The following IFT140 variants were observed in gnomAD, a reference collection of about 807,000 sequenced individuals.
The protein encoded by IFT140 is intraflagellar transport protein 140 homolog.
A neutral mutation model predicts 164.6 loss-of-function variants in IFT140; 133 were observed. That is an observed-to-expected ratio of 0.81 (90% confidence interval 0.70 to 0.93). The LOEUF (loss-of-function observed/expected upper bound fraction) is 0.93. Among genes scored for constraint, IFT140 ranks in the 40% least tolerant of loss-of-function variants. The probability of loss-of-function intolerance (pLI) is 0.00; values close to 1 mark genes in which losing one functional copy is unlikely to be tolerated. For missense variants in IFT140, 2,045 were observed against 1,972.3 expected (o/e 1.04, Z -0.70); for synonymous variants, 860 against 817.3 (o/e 1.05, Z -0.89).
chr16:1,580,445 A>G, intron 13 of IFT140: 1 of 241,710 alleles, frequency 4.1e-6, no homozygotes, highest in Non-Finnish European at 8.1e-6. Context: ...CTGGCTGTTT[A>G]GAGTGTGGCC....
rs374245889 is a variant in IFT140 at position 1,554,804 on chromosome 16, C to T, written c.2399+3131G>A. 21 of 1,614,158 alleles carry T rather than the reference C, an allele frequency of 1.3e-5. No individual in the cohort carries two copies. The Admixed American group carries it at 1.3e-4, about 10-fold the overall frequency. On this transcript the variant is annotated intron_variant, in intron 19 of 30. Transcript: ENST00000426508. ...CAGGTTTTGTCCTGGTCATCGGGCT[C>T]GTGACTTTCTACAGAATTGGCCCAT...
At chr16:1,540,063 C>CG (rs1024133056) in intron 19 of IFT140, among the ~76,000 whole-genome samples, 2 of 152,154 alleles carry the variant, frequency 1.3e-5, no homozygotes, top group African/African-American at 4.8e-5. Flanking sequence ...GTGGGTAGGA[C>CG]GGCGGGGGGA....
rs146104568 is a variant in IFT140, at chr16:1,558,845, G to C, written c.2200-711C>G. On this transcript the variant is annotated intron_variant, in intron 18 of 30. Coordinates refer to ENST00000426508, the MANE Select transcript of IFT140 (RefSeq NM_014714.4). ...TCTGGGGTCAGGCTTCCCTGGTCTT[G>C]TATCTGCTATTCTGTGACTTCCTGA... Among the ~76,000 whole-genome samples the C allele has an allele frequency of 2.7e-3, 417 of 152,346 alleles. 1 individual carries two copies. The highest frequency in any genetic ancestry group is 9.3e-3 in the African/African-American group (388 of 41,580).
At chr16:1,568,379 T>A (rs755163762) in intron 14 of IFT140, 45 bp from the exon 15 acceptor site, 27 of 1,451,724 alleles carry the variant, frequency 1.9e-5, no homozygotes, top group Non-Finnish European at 2.5e-5. Context: ...GAGGCCCAGT[T>A]CCCAATTCTC....
rs1010034618 is a variant in IFT140 at position 1,519,502 on chromosome 16, C to T, written c.4040+379G>A. On this transcript the variant is annotated intron_variant, in intron 29 of 30. Coordinates refer to ENST00000426508, the MANE Select transcript of IFT140 (RefSeq NM_014714.4). The stretch of plus-strand genomic sequence containing the variant: ...GTTGACCTGTGGAGAGGCATGAGCC[C>T]TCTGGTCACCATGGTCCCCCAACCC... Among the ~76,000 whole-genome samples, 6 of 152,118 alleles carry T rather than the reference C, an allele frequency of 3.9e-5. No homozygotes were observed. In the East Asian group the frequency reaches 1.2e-3, roughly 29 times the overall value.
chr16:1,524,733 C>T (rs2040625337), intron 23 of IFT140, 38 bp from the exon 24 acceptor site: 1 of 1,583,380 alleles, frequency 6.3e-7, no homozygotes, highest in Non-Finnish European at 8.6e-7. Flanking sequence ...GACACGGTGG[C>T]CTTGTGTCTG....
At chr16:1,604,916 G>A (rs1304844649) in intron 3 of IFT140, among the ~76,000 whole-genome samples, 3 of 152,108 alleles carry the variant, frequency 2.0e-5, no homozygotes, top group African/African-American at 7.2e-5. Context: ...CCATCTCAGT[G>A]AGCAGGAGAT....
intron 3 of IFT140, among the ~76,000 whole-genome samples, chr16:1,605,723 T>C (rs553408948): frequency 1.3e-5 from 2 of 152,184 alleles, no homozygotes; most frequent in East Asian, 3.9e-4. Flanking sequence ...CTTTATGGAA[T>C]ATGAGGTGCA....
chr16:1,520,625 T>C lies in IFT140; in HGVS notation c.3637A>G (p.Thr1213Ala). ...ACCTTCAGCTTGTTGCCGGCCTGCG[T>C]GTACTTCTTGGTGGCCAGGTGGTAG... is the stretch of plus-strand genomic sequence containing the variant. ...GSYHLATKKY[T>A]QAGNKLKAMR... Residue 1213 changes from threonine (T) to alanine (A), a missense_variant, in exon 27 of 31, where the codon ACG becomes GCG. Coordinates refer to ENST00000426508, the MANE Select transcript of IFT140 (RefSeq NM_014714.4). 1.3e-6 allele frequency: 2 copies of C among 1,595,310 alleles called. No homozygotes were observed. Among genetic ancestry groups the C allele is most frequent in the Non-Finnish European group, 1.7e-6 (2 of 1,169,590 alleles).
At chr16:1,587,091 T>C (rs2034924684) in intron 9 of IFT140, 107 bp downstream of exon 9, 1 of 754,048 alleles carries the variant, frequency 1.3e-6, no homozygotes, top group East Asian at 2.5e-5. Flanking sequence ...AGTTACCAAG[T>C]TACCATTGTG....
chr16:1,567,489 G>A (rs1018675845), intron 15 of IFT140, among the ~76,000 whole-genome samples: 4 of 152,132 alleles, frequency 2.6e-5, no homozygotes, highest in African/African-American at 7.2e-5. Context: ...AGGCCTGGCC[G>A]GAGCTCCACA....
At chr16:1,585,906 G>C (rs139191143) in intron 10 of IFT140, among the ~76,000 whole-genome samples, 2 of 151,830 alleles carry the variant, frequency 1.3e-5, no homozygotes, top group East Asian at 3.9e-4. Context: ...GAGTAGCTGA[G>C]GCTACAGGCG....
intron 30 of IFT140, among the ~76,000 whole-genome samples, chr16:1,517,304 C>G (rs1246286132): frequency 6.7e-6 from 1 of 149,664 alleles, no homozygotes; most frequent in African/African-American, 2.5e-5. Context: ...GAGCCGAGAT[C>G]GCGCCACTGC....
At chr16:1,611,430 C>T (rs2036314162) in intron 1 of IFT140, among the ~76,000 whole-genome samples, 1 of 145,600 alleles carries the variant, frequency 6.9e-6, no homozygotes, top group African/African-American at 2.6e-5. Flanking sequence ...CCCCGGGAGG[C>T]GGAGACTGCA....
chr16:1,549,227 G>A (rs2032434909), intron 19 of IFT140, among the ~76,000 whole-genome samples: 1 of 152,188 alleles, frequency 6.6e-6, no homozygotes, highest in African/African-American at 2.4e-5. Context: ...AACAAAAGCC[G>A]ACGCTGCTCT....
rs773899255 is a variant in IFT140 at position 1,553,045 on chromosome 16, A to T, written c.2399+4890T>A. Reference sequence around the variant, plus strand: ...ATTATAAAGAATGAACACAGAAACCAGTCACTGTCATTGTTCAGGACAAAA... The same window carrying T: ...ATTATAAAGAATGAACACAGAAACCTGTCACTGTCATTGTTCAGGACAAAA... On this transcript the variant is annotated intron_variant, in intron 19 of 30. Transcript: ENST00000426508. The surrounding 1 kb of genome is among the most constrained non-coding windows in gnomAD (Gnocchi z 4.4). The T allele has an allele frequency of 2.0e-6, 2 of 985,466 alleles. No individual in the cohort carries two copies. The highest frequency in any genetic ancestry group is 2.4e-6 in the Non-Finnish European group (2 of 829,926). 61.0% of individuals were successfully genotyped at this position (985,466 alleles called of 1,614,324 possible). A position where few individuals can be genotyped will look rare whatever the true frequency, so the allele number is the denominator to read the frequency against.
intron 15 of IFT140, among the ~76,000 whole-genome samples, 170 bp from the exon 16 acceptor site, chr16:1,566,461 G>A (rs1007058198): frequency 3.3e-5 from 5 of 152,110 alleles, no homozygotes; most frequent in African/African-American, 1.2e-4. Context: ...TTCATAATTT[G>A]TTGGTTTTGG....
At chr16:1,603,483 CCT>C (rs2035896588) in intron 3 of IFT140, among the ~76,000 whole-genome samples, 4 of 151,932 alleles carry the variant, frequency 2.6e-5, no homozygotes, top group Non-Finnish European at 2.9e-5. Context: ...TGCTGCGTTT[CCT>C]CTTTTTTTTT....
chr16:1,562,129 G>C lies in IFT140; in HGVS notation c.2068-13C>G, dbSNP rs755262931. The C allele has an allele frequency of 6.4e-7, 1 of 1,566,676 alleles. No individual in the cohort carries two copies. The highest frequency in any genetic ancestry group is 8.6e-7 in the Non-Finnish European group (1 of 1,159,666). On this transcript the variant is annotated splice_polypyrimidine_tract_variant and intron_variant, in intron 17 of 30. Transcript: ENST00000426508. ...TCAAAACATCTGCCTGGGAGAGAAAGAAAAGTACTGTTCTGTTTTTTTTTT... is the reference window on the plus strand; with the variant it reads ...TCAAAACATCTGCCTGGGAGAGAAACAAAAGTACTGTTCTGTTTTTTTTTT...
Sources: gnomAD v4.1 joint callset for allele counts (sites outside exome capture counted in the v4.1 genomes callset) on GRCh38, gnomAD v4.1.1 for gene constraint, Gnocchi (gnomAD v3.1) non-coding constraint, MANE v1.5 for transcripts, NCBI Gene and HGNC (gene_info 2026-07-23, HGNC 2026-07-21) for gene names.